Variants in EDIL3 observed in about 807,000 individuals in gnomAD.
EDIL3 encodes the protein EGF-like repeat and discoidin I-like domain-containing protein 3.
Under a neutral mutation model 67.4 loss-of-function variants are expected in EDIL3, and 37 were observed. The observed-to-expected ratio is 0.55, with a 90% confidence interval of 0.42 to 0.72. The LOEUF (loss-of-function observed/expected upper bound fraction) is 0.72, where lower values mean the gene tolerates loss of function less well. Among genes scored for constraint, EDIL3 ranks in the 30% least tolerant of loss-of-function variants. EDIL3 has a pLI of 0.00. For synonymous variants in EDIL3, 195 were observed against 196.3 expected (o/e 0.99, Z 0.05); for missense variants, 527 against 586.3 (o/e 0.90, Z 1.04).
chr5:84,300,667 C>T (rs1044381865), intron 1 of EDIL3, among the ~76,000 whole-genome samples: 1 of 152,034 alleles, frequency 6.6e-6, no homozygotes, highest in East Asian at 1.9e-4. Context: ...GAAATTCATC[C>T]TTAAGAAATA....
intron 9 of EDIL3, among the ~76,000 whole-genome samples, chr5:84,016,892 AG>A (rs1745616395): frequency 1.3e-5 from 2 of 152,210 alleles, no homozygotes; most frequent in African/African-American, 4.8e-5. Context: ...CACAGATGGC[AG>A]GCCCTGTGGG....
chr5:84,157,225 G>C (rs1176058901), intron 4 of EDIL3, among the ~76,000 whole-genome samples: 3 of 151,966 alleles, frequency 2.0e-5, no homozygotes. Context: ...ATGGGTACGA[G>C]GCTTAATACC....
At chr5:83,964,969 C>A (rs1197414806) in intron 9 of EDIL3, among the ~76,000 whole-genome samples, 2 of 151,932 alleles carry the variant, frequency 1.3e-5, no homozygotes, top group Non-Finnish European at 2.9e-5. Context: ...CAATAACCAA[C>A]CAAGGTAGGA....
chr5:84,378,100 A>G (rs1748004212), intron 1 of EDIL3, among the ~76,000 whole-genome samples: 1 of 152,222 alleles, frequency 6.6e-6, no homozygotes, highest in African/African-American at 2.4e-5. Flanking sequence ...TTATTACCTT[A>G]GAAGAAAAAT....
intron 3 of EDIL3, among the ~76,000 whole-genome samples, chr5:84,221,364 T>A (rs1400719107): frequency 1.3e-5 from 2 of 152,152 alleles, no homozygotes; most frequent in African/African-American, 2.4e-5. Context: ...ATAGTTTAAT[T>A]CTTAAACCTG....
At chr5:84,358,982 G>A (rs1337852187) in intron 1 of EDIL3, among the ~76,000 whole-genome samples, 1 of 152,050 alleles carries the variant, frequency 6.6e-6, no homozygotes, top group Admixed American at 6.6e-5. Flanking sequence ...CATTTGGGGG[G>A]AAGAAAGTAA....
intron 3 of EDIL3, among the ~76,000 whole-genome samples, chr5:84,214,589 A>G (rs1197411349): frequency 6.6e-6 from 1 of 152,106 alleles, no homozygotes; most frequent in Non-Finnish European, 1.5e-5. Flanking sequence ...GTTGCCTGTA[A>G]TTTACAGCAT....
chr5:84,278,958 C>G, intron 1 of EDIL3, among the ~76,000 whole-genome samples: 1 of 151,950 alleles, frequency 6.6e-6, no homozygotes. Context: ...TTTTTCACCA[C>G]CCCCTCCCCT....
intron 2 of EDIL3, among the ~76,000 whole-genome samples, chr5:84,240,516 G>A (rs1744775031): frequency 6.6e-6 from 1 of 152,144 alleles, no homozygotes; most frequent in African/African-American, 2.4e-5. Context: ...ATGAGCCTGA[G>A]CCCCGCCTCC....
At chr5:84,020,707 C>T (rs1165491246) in intron 9 of EDIL3, among the ~76,000 whole-genome samples, 1 of 151,960 alleles carries the variant, frequency 6.6e-6, no homozygotes, top group Non-Finnish European at 1.5e-5. Context: ...CCAAAAAGAA[C>T]AGTATACATA....
intron 1 of EDIL3, among the ~76,000 whole-genome samples, chr5:84,268,910 A>G (rs1268734743): frequency 6.6e-6 from 1 of 152,198 alleles, no homozygotes; most frequent in Non-Finnish European, 1.5e-5. Context: ...AATTTGAATT[A>G]TAGTCCACAA....
chr5:84,230,763 ATGTGTGTGTGTGTGTG>A (rs59552122), intron 2 of EDIL3, among the ~76,000 whole-genome samples: 1 of 137,130 alleles, frequency 7.3e-6, no homozygotes, highest in Admixed American at 7.3e-5. Context: ...CCACTACGTG[ATGTGTGTGTGTGTGTG>A]TGTGTGTGTG....
intron 10 of EDIL3, among the ~76,000 whole-genome samples, chr5:83,951,202 T>G (rs1393133815): frequency 6.6e-6 from 1 of 151,806 alleles, no homozygotes; most frequent in Non-Finnish European, 1.5e-5. Context: ...ATGATCCATT[T>G]AAACCATTAA....
intron 1 of EDIL3, among the ~76,000 whole-genome samples, chr5:84,339,662 A>T (rs140265802): frequency 1.3e-5 from 2 of 152,104 alleles, no homozygotes; most frequent in African/African-American, 4.8e-5. Context: ...ACCTTTAGAA[A>T]AATCCTACAT....
chr5:84,380,852 A>T (rs1007102045), intron 1 of EDIL3, among the ~76,000 whole-genome samples: 6 of 152,026 alleles, frequency 3.9e-5, no homozygotes, highest in African/African-American at 1.4e-4. Flanking sequence ...TTAGTCATGT[A>T]TATCTTATTC....
chr5:84,259,775 T>G (rs1392334386), intron 1 of EDIL3, among the ~76,000 whole-genome samples: 1 of 152,162 alleles, frequency 6.6e-6, no homozygotes, highest in East Asian at 1.9e-4. Flanking sequence ...TTTTACTTCA[T>G]TACCCATTTG....
chr5:84,288,511 G>C (rs1041270842), intron 1 of EDIL3, among the ~76,000 whole-genome samples: 28 of 152,076 alleles, frequency 1.8e-4, no homozygotes, highest in Non-Finnish European at 2.9e-5. Flanking sequence ...CTGACCAACT[G>C]AAATTCATGC....
Position 84,254,073 on chromosome 5 carries a change from T to G in EDIL3, c.196+11A>C, listed in dbSNP as rs1326025559. The G allele has an allele frequency of 6.3e-7, 1 of 1,582,110 alleles. No individual in the cohort carries two copies. The highest frequency in any genetic ancestry group is 1.8e-5 in the Admixed American group (1 of 54,398). On this transcript the variant is annotated intron_variant, in intron 2 of 10. Coordinates refer to ENST00000296591, the MANE Select transcript of EDIL3 (RefSeq NM_005711.5). ...AAGATAACTACTGAAATACTTAAATTTTGCACTTACCAACCTCCACAACAC... is the reference window on the plus strand; with the variant it reads ...AAGATAACTACTGAAATACTTAAATGTTGCACTTACCAACCTCCACAACAC...
At chr5:84,344,614 C>G (rs1480580369) in intron 1 of EDIL3, among the ~76,000 whole-genome samples, 1 of 151,788 alleles carries the variant, frequency 6.6e-6, no homozygotes, top group Non-Finnish European at 1.5e-5. Context: ...AAAATACATA[C>G]CAGTTTACAA....
Sources: allele counts gnomAD v4.1 joint callset (sites outside exome capture counted in the v4.1 genomes callset), GRCh38; gene constraint gnomAD v4.1.1; transcripts MANE v1.5; gene names NCBI Gene and HGNC (gene_info 2026-07-23, HGNC 2026-07-21).